ADAT2: variants seen among roughly 807,000 people sequenced by gnomAD.
The protein encoded by ADAT2 is adenosine deaminase tRNA specific 2.
In ADAT2, 26 loss-of-function variants were observed where a neutral mutation model predicts 25.9. The observed-to-expected ratio is 1.00, with a 90% CI of 0.74 to 1.39. ADAT2 has a LOEUF of 1.39. ADAT2 is among the 40% of genes most tolerant of loss of function. The pLI is 0.00. For synonymous variants in ADAT2, 76 were observed against 86.8 expected (o/e 0.88, Z 0.69); for missense variants, 220 against 244.8 (o/e 0.90, Z 0.68).
chr6:143,431,218 A>C (rs1040045568), intron 4 of ADAT2, among the ~76,000 whole-genome samples: 1 of 152,274 alleles, frequency 6.6e-6, no homozygotes, highest in Admixed American at 6.5e-5. Flanking sequence ...AGGTATATAC[A>C]CTGCAAATGA....
At position 143,428,467 on chromosome 6, in the gene ADAT2, G is replaced by C. The variant is rs764785924; in HGVS notation, c.572C>G (p.Ser191Cys). The C allele has an allele frequency of 4.3e-6, 7 of 1,613,630 alleles. No individual in the cohort carries two copies. In the South Asian group the frequency reaches 7.7e-5, roughly 18 times the overall value. ...SKVRKKECQKS is the reference protein window; with the variant it reads ...SKVRKKECQKC The stretch of plus-strand genomic sequence containing the variant: ...GGTTCTTTCATCAGAACATGTTCAA[G>C]ATTTCTGACATTCCTTTTTCCGAAC... Residue 191 changes from serine (S) to cysteine (C), a missense_variant, in exon 6 of 6, where the codon TCT (serine) becomes TGT (cysteine). Coordinates refer to ENST00000237283, the MANE Select transcript of ADAT2 (RefSeq NM_182503.3). This position sits in a 1 kb window ranked among gnomAD's most constrained non-coding sequence, Gnocchi z 5.0.
chr6:143,432,392 G>T lies in ADAT2; in HGVS notation c.459+113C>A. 2.1e-6 allele frequency: 2 copies of T among 972,492 alleles called. No homozygotes were observed. Among genetic ancestry groups the T allele is most frequent in the Non-Finnish European group, 3.2e-6 (2 of 634,164 alleles). 60.2% of individuals were successfully genotyped at this position (972,492 alleles called of 1,614,324 possible). A position where few individuals can be genotyped will look rare whatever the true frequency, so the allele number is the denominator to read the frequency against. ...CACCAGAGGCCCTGAGATCAAAGATGTCTGATTCTATCATCGTTTCTTCGT... is the reference window on the plus strand; with the variant it reads ...CACCAGAGGCCCTGAGATCAAAGATTTCTGATTCTATCATCGTTTCTTCGT... On this transcript the variant is annotated intron_variant, in intron 4 of 5. Transcript: ENST00000237283. This position sits in a 1 kb window ranked among gnomAD's most constrained non-coding sequence, Gnocchi z 4.4.
chr6:143,429,149 A>G (rs996191273), intron 4 of ADAT2, among the ~76,000 whole-genome samples: 2 of 152,228 alleles, frequency 1.3e-5, no homozygotes, highest in Non-Finnish European at 2.9e-5. Flanking sequence ...ATTCCATGCT[A>G]TAGAGCTAGG....
At chr6:143,430,600 C>T (rs907347702) in intron 4 of ADAT2, among the ~76,000 whole-genome samples, 8 of 152,190 alleles carry the variant, frequency 5.3e-5, no homozygotes, top group South Asian at 4.1e-4. Context: ...CTCACTCTGT[C>T]GCCCAGGCTG....
chr6:143,426,324 TAGC>T lies in ADAT2; in HGVS notation c.*2136_*2138del, dbSNP rs1360990237. ...TTCCTCACTGTCACTTGGAAATTGC[TAGC>T]AGAATTCCATAGAGCTAATGTCTAT... On this transcript the variant is annotated 3_prime_UTR_variant, in exon 6 of 6. Transcript: ENST00000237283. This position sits in a 1 kb window ranked among gnomAD's most constrained non-coding sequence, Gnocchi z 4.1. 2 of 152,232 alleles carry T rather than the reference TAGC, an allele frequency of 1.3e-5. No homozygotes were observed. The highest frequency in any genetic ancestry group is 2.9e-5 in the Non-Finnish European group (2 of 68,050). 9.4% of individuals were successfully genotyped at this position (152,232 alleles called of 1,614,324 possible).
In ADAT2 at chr6:143,428,570, A is replaced by G; in HGVS notation, c.532+42T>C. The G allele has an allele frequency of 6.2e-7, 1 of 1,612,436 alleles. No homozygotes were observed. Among genetic ancestry groups the G allele is most frequent in the East Asian group, 2.2e-5 (1 of 44,854 alleles). Reference sequence around the variant, plus strand: ...TAAGCTCATAGCAGATTCTCTTTGTATGGATTTAAGGGAAGGACATTATCC... The same window carrying G: ...TAAGCTCATAGCAGATTCTCTTTGTGTGGATTTAAGGGAAGGACATTATCC... On this transcript the variant is annotated intron_variant, in intron 5 of 5. Transcript: ENST00000237283. This position sits in a 1 kb window ranked among gnomAD's most constrained non-coding sequence, Gnocchi z 5.0.
At position 143,428,338 on chromosome 6, in the gene ADAT2, A is replaced by C. The variant is rs1424499261; in HGVS notation, c.*125T>G. 9.5e-7 allele frequency: 1 copy of C among 1,049,844 alleles called. No homozygotes were observed. The highest frequency in any genetic ancestry group is 1.4e-6 in the Non-Finnish European group (1 of 723,092). The allele number at this position is 1,049,844 out of a possible 1,614,324, so 65.0% of individuals were successfully genotyped here. On this transcript the variant is annotated 3_prime_UTR_variant, in exon 6 of 6. Transcript: ENST00000237283. This position sits in a 1 kb window ranked among gnomAD's most constrained non-coding sequence, Gnocchi z 5.0. ...TTCCCTTAACAGAGCAAATGATGAG[A>C]GACACCATTTTCCTGCAGATTAAAA...
chr6:143,435,761 T>A (rs916392103), intron 2 of ADAT2, among the ~76,000 whole-genome samples: 2 of 152,266 alleles, frequency 1.3e-5, no homozygotes, highest in Admixed American at 1.3e-4. Context: ...AAAACATTTT[T>A]AAAAATTCTT....
chr6:143,435,157 T>TTAAAAAA lies in ADAT2; in HGVS notation c.202-1177_202-1176insTTTTTTA, dbSNP rs59627912. Among the ~76,000 whole-genome samples, 20 of 122,062 alleles carry TTAAAAAA rather than the reference T, an allele frequency of 1.6e-4. 3 individuals are homozygous for TTAAAAAA. The highest frequency in any genetic ancestry group is 1.7e-4 in the Admixed American group (2 of 11,716). 80.1% of individuals were successfully genotyped at this position (122,062 alleles called of 152,430 possible). ...GCACACCAAAACTAAGTGGAGAGTT[T>TTAAAAAA]AAAAAAAAAAAAAAAAAAAAGGTTT... On this transcript the variant is annotated intron_variant, in intron 2 of 5. Transcript: ENST00000237283.
In ADAT2 at chr6:143,432,529, T is replaced by C; in HGVS notation, c.435A>G (p.Leu145=). 6.2e-7 allele frequency: 1 copy of C among 1,614,182 alleles called. No homozygotes were observed. Among genetic ancestry groups the C allele is most frequent in the Non-Finnish European group, 8.5e-7 (1 of 1,180,014 alleles). Reference sequence around the variant, plus strand: ...CCTGAAATGGTCTCCCAGTGTTTGGTAGGTCAGCAGAGGCAATATTTAGAA... The same window carrying C: ...CCTGAAATGGTCTCCCAGTGTTTGGCAGGTCAGCAGAGGCAATATTTAGAA... The part of the protein sequence containing the change: ...GSVLNIASAD[L]PNTGRPFQCI... Residue 145 remains leucine (L), a synonymous_variant, in exon 4 of 6, where the codon CTA becomes CTG. Coordinates refer to ENST00000237283, the MANE Select transcript of ADAT2 (RefSeq NM_182503.3). The surrounding 1 kb of genome is among the most constrained non-coding windows in gnomAD (Gnocchi z 4.4).
chr6:143,435,148 T>C (rs969605627), intron 2 of ADAT2, among the ~76,000 whole-genome samples: 37 of 107,790 alleles, frequency 3.4e-4, no homozygotes, highest in African/African-American at 1.1e-3. Context: ...CAAAACTAAG[T>C]GGAGAGTTTA....
In ADAT2 at chr6:143,427,096, A is replaced by ACACAC. The variant is rs1778954292; in HGVS notation, c.*1366_*1367insGTGTG. On this transcript the variant is annotated 3_prime_UTR_variant, in exon 6 of 6. Coordinates refer to ENST00000237283, the MANE Select transcript of ADAT2 (RefSeq NM_182503.3). Reference sequence around the variant, plus strand: ...CCATAAAACTTTTCAAATGCAGTTAAACACACACACACACACACACACACA... The same window carrying ACACAC: ...CCATAAAACTTTTCAAATGCAGTTAACACACACACACACACACACACACACACACA... 1.4e-5 allele frequency: 2 copies of ACACAC among 140,176 alleles called. No homozygotes were observed. The highest frequency in any genetic ancestry group is 2.7e-5 in the African/African-American group (1 of 37,708). 8.7% of individuals were successfully genotyped at this position (140,176 alleles called of 1,614,324 possible). A position where few individuals can be genotyped will look rare whatever the true frequency, so the allele number is the denominator to read the frequency against.
Position 143,444,844 on chromosome 6 carries a change from G to T in ADAT2, c.96+5719C>A. ...GCACCTAGATGGAAGAGACTTCGTA[G>T]TTTATTATTTTCTCCAAAGACATTA... On this transcript the variant is annotated intron_variant, in intron 1 of 5. Coordinates refer to ENST00000237283, the MANE Select transcript of ADAT2 (RefSeq NM_182503.3). This position sits in a 1 kb window ranked among gnomAD's most constrained non-coding sequence, Gnocchi z 4.3. 9.7e-7 allele frequency: 1 copy of T among 1,034,076 alleles called. No homozygotes were observed. Among genetic ancestry groups the T allele is most frequent in the Non-Finnish European group, 1.3e-6 (1 of 776,532 alleles). 64.1% of individuals were successfully genotyped at this position (1,034,076 alleles called of 1,614,324 possible).
chr6:143,428,528 A>T lies in ADAT2; in HGVS notation c.533-22T>A. 3 of 1,613,728 alleles carry T rather than the reference A, an allele frequency of 1.9e-6. No homozygotes were observed. Among genetic ancestry groups the T allele is most frequent in the Non-Finnish European group, 2.5e-6 (3 of 1,179,834 alleles). ...GGTGCTGTGAAAAGAATAGAAAAGA[A>T]AAAGAAAATGAAGAGGTAAGCTCAT... On this transcript the variant is annotated intron_variant, in intron 5 of 5. Transcript: ENST00000237283. This position sits in a 1 kb window ranked among gnomAD's most constrained non-coding sequence, Gnocchi z 5.0.
At position 143,427,223 on chromosome 6, in the gene ADAT2, A is replaced by C. The variant is rs1364709030; in HGVS notation, c.*1240T>G. On this transcript the variant is annotated 3_prime_UTR_variant, in exon 6 of 6. Transcript: ENST00000237283. ...ATAAAAATACTTTCACCACAATTAC[A>C]TTCCAGCCTGTAATGTAATTCAAAA... 1.3e-5 allele frequency: 2 copies of C among 152,646 alleles called. No individual in the cohort carries two copies. The highest frequency in any genetic ancestry group is 4.8e-5 in the African/African-American group (2 of 41,448). The allele number at this position is 152,646 out of a possible 1,614,324, so 9.5% of individuals were successfully genotyped here. A position where few individuals can be genotyped will look rare whatever the true frequency, so the allele number is the denominator to read the frequency against.
chr6:143,444,205 A>T lies in ADAT2; in HGVS notation c.97-5511T>A, dbSNP rs761245276. Among the ~76,000 whole-genome samples the T allele has an allele frequency of 4.6e-5, 7 of 151,988 alleles. No individual in the cohort carries two copies. The highest frequency in any genetic ancestry group is 8.8e-5 in the Non-Finnish European group (6 of 67,988). On this transcript the variant is annotated intron_variant, in intron 1 of 5. Transcript: ENST00000237283. This position sits in a 1 kb window ranked among gnomAD's most constrained non-coding sequence, Gnocchi z 4.3. ...TTGAGTAACACAGTTTTTTTTCCTG[A>T]AATGCCTTCCACTGCTGTCCGAAAC...
Position 143,436,813 on chromosome 6 carries a change from C to T in ADAT2, c.201+1777G>A, listed in dbSNP as rs1156478910. 1 of 152,294 alleles carries T rather than the reference C, an allele frequency of 6.6e-6. No homozygotes were observed. Among genetic ancestry groups the T allele is most frequent in the African/African-American group, 2.4e-5 (1 of 41,304 alleles). 9.4% of individuals were successfully genotyped at this position (152,294 alleles called of 1,614,324 possible). ...TCTGTGTGGGCACTTGCTGTTCTTG[C>T]TGTGTGTTCACCTCTATTAAAGCAT... On this transcript the variant is annotated intron_variant, in intron 2 of 5. Transcript: ENST00000237283. The surrounding 1 kb of genome is among the most constrained non-coding windows in gnomAD (Gnocchi z 4.1).
chr6:143,430,909 C>A (rs1261797643), intron 4 of ADAT2, among the ~76,000 whole-genome samples: 1 of 152,182 alleles, frequency 6.6e-6, no homozygotes, highest in African/African-American at 2.4e-5. Context: ...TATAATTAAT[C>A]ACCATCTTCT....
Position 143,436,009 on chromosome 6 carries a change from T to C in ADAT2, c.202-2028A>G, listed in dbSNP as rs1189158617. ...TGTTATAATGGTAATTATTTTAACA[T>C]TGTTTGAAATTATTGCACATGTGAG... On this transcript the variant is annotated intron_variant, in intron 2 of 5. Coordinates refer to ENST00000237283, the MANE Select transcript of ADAT2 (RefSeq NM_182503.3). This position sits in a 1 kb window ranked among gnomAD's most constrained non-coding sequence, Gnocchi z 4.1. Among the ~76,000 whole-genome samples, 1 of 152,214 alleles carries C rather than the reference T, an allele frequency of 6.6e-6. No homozygotes were observed. Among genetic ancestry groups the C allele is most frequent in the African/African-American group, 2.4e-5 (1 of 41,446 alleles).
Sources: gnomAD v4.1 joint callset for allele counts (sites outside exome capture counted in the v4.1 genomes callset) on GRCh38, gnomAD v4.1.1 for gene constraint, Gnocchi (gnomAD v3.1) non-coding constraint, MANE v1.5 for transcripts, NCBI Gene and HGNC (gene_info 2026-07-23, HGNC 2026-07-21) for gene names.